Variants in CCSER1 observed in about 807,000 individuals in gnomAD.
The protein encoded by CCSER1 is serine-rich coiled-coil domain-containing protein 1.
CCSER1 carries 41 observed loss-of-function variants against 82.0 expected under a neutral mutation model. The observed-to-expected ratio is 0.50, with a 90% CI of 0.39 to 0.65. The LOEUF (loss-of-function observed/expected upper bound fraction) is 0.65, where lower values mean the gene tolerates loss of function less well. Ranked by LOEUF, CCSER1 falls within the 30% of genes least tolerant of loss-of-function variation. The pLI is 0.00. For synonymous variants in CCSER1, 414 were observed against 383.9 expected (o/e 1.08, Z -0.92); for missense variants, 1,119 against 1,064.2 (o/e 1.05, Z -0.72).
At chr4:90,865,892 A>G (rs1765671410) in intron 8 of CCSER1, among the ~76,000 whole-genome samples, 1 of 152,002 alleles carries the variant, frequency 6.6e-6, no homozygotes, top group Non-Finnish European at 1.5e-5. Context: ...CACAGGCTGT[A>G]CAGGAAGCAT....
chr4:91,090,380 A>G (rs1295893022), intron 10 of CCSER1, among the ~76,000 whole-genome samples: 1 of 152,172 alleles, frequency 6.6e-6, no homozygotes, highest in Non-Finnish European at 1.5e-5. Context: ...GTGGGCTCAA[A>G]CAGTCTGCAA....
At chr4:91,083,238 A>G (rs1312727700) in intron 9 of CCSER1, among the ~76,000 whole-genome samples, 1 of 152,202 alleles carries the variant, frequency 6.6e-6, no homozygotes, top group African/African-American at 2.4e-5. Context: ...GCCATAAAAA[A>G]TGATGAGTTC....
chr4:91,475,984 T>G (rs1368229800), intron 10 of CCSER1, among the ~76,000 whole-genome samples: 1 of 151,876 alleles, frequency 6.6e-6, no homozygotes, highest in African/African-American at 2.4e-5. Flanking sequence ...TCATTCTTTT[T>G]TATGATTGAA....
At chr4:90,763,208 C>T (rs1750665432) in intron 7 of CCSER1, among the ~76,000 whole-genome samples, 1 of 151,866 alleles carries the variant, frequency 6.6e-6, no homozygotes, top group African/African-American at 2.4e-5. Flanking sequence ...AGCTAGGGAA[C>T]CCACTACCAG....
At chr4:91,583,484 T>C (rs1424362775) in intron 10 of CCSER1, among the ~76,000 whole-genome samples, 1 of 151,400 alleles carries the variant, frequency 6.6e-6, no homozygotes. Context: ...TAGATGGTGC[T>C]AATTATGATA....
At chr4:90,623,023 A>ATTTTT (rs35838784) in intron 5 of CCSER1, among the ~76,000 whole-genome samples, 2 of 112,618 alleles carry the variant, frequency 1.8e-5, no homozygotes, top group East Asian at 2.6e-4. Context: ...TGGGTAAAGG[A>ATTTTT]TTTTTTTTTT....
chr4:90,698,830 T>A (rs902223047), intron 6 of CCSER1, among the ~76,000 whole-genome samples: 1 of 152,124 alleles, frequency 6.6e-6, no homozygotes, highest in Non-Finnish European at 1.5e-5. Flanking sequence ...GTTGATTGGA[T>A]AATTTGACTC....
At chr4:91,412,160 A>G (rs2149373263) in intron 10 of CCSER1, among the ~76,000 whole-genome samples, 1 of 152,232 alleles carries the variant, frequency 6.6e-6, no homozygotes, top group East Asian at 1.9e-4. Flanking sequence ...AGGTGGCCAG[A>G]TCTCTAATCA....
In CCSER1 at chr4:90,932,979, A is replaced by AG. The variant is rs1561385030; in HGVS notation, c.2172+9532_2172+9533insG. On this transcript the variant is annotated intron_variant, in intron 9 of 10. Coordinates refer to ENST00000509176, the MANE Select transcript of CCSER1 (RefSeq NM_001145065.2). Reference sequence around the variant, plus strand: ...GAAAGAAAGAAAGAAAGAAAGAAAGAAAGAGAAAGAAAGAAAGAAAGAAAG... The same window carrying AG: ...GAAAGAAAGAAAGAAAGAAAGAAAGAGAAGAGAAAGAAAGAAAGAAAGAAAG... Among the ~76,000 whole-genome samples the AG allele has an allele frequency of 1.3e-3, 52 of 38,674 alleles. 13 individuals are homozygous for AG. Among genetic ancestry groups the AG allele is most frequent in the Middle Eastern group, 9.8e-3 (1 of 102 alleles). 25.4% of individuals were successfully genotyped at this position (38,674 alleles called of 152,430 possible). A position where few individuals can be genotyped will look rare whatever the true frequency, so the allele number is the denominator to read the frequency against.
intron 9 of CCSER1, among the ~76,000 whole-genome samples, chr4:90,987,352 A>C (rs1484923609): frequency 6.6e-6 from 1 of 151,496 alleles, no homozygotes; most frequent in Non-Finnish European, 1.5e-5. Context: ...ACAATTCACC[A>C]AAAAATAAAA....
chr4:90,693,127 G>A (rs990830825), intron 6 of CCSER1, among the ~76,000 whole-genome samples: 10 of 151,898 alleles, frequency 6.6e-5, no homozygotes, highest in Non-Finnish European at 1.5e-4. Context: ...GAGTGGCTGA[G>A]TCTTCAAATT....
intron 8 of CCSER1, among the ~76,000 whole-genome samples, chr4:90,900,197 G>C (rs1724423667): frequency 6.8e-6 from 1 of 147,580 alleles, no homozygotes; most frequent in South Asian, 2.2e-4. Flanking sequence ...AATTTTTAGA[G>C]GTGGTGCAGT....
intron 9 of CCSER1, among the ~76,000 whole-genome samples, chr4:91,044,748 C>T (rs1742293446): frequency 6.6e-6 from 1 of 152,166 alleles, no homozygotes; most frequent in African/African-American, 2.4e-5. Context: ...CCTACTTTAC[C>T]TCACCAGGTT....
At chr4:90,557,015 A>C (rs1778226145) in intron 5 of CCSER1, among the ~76,000 whole-genome samples, 1 of 151,964 alleles carries the variant, frequency 6.6e-6, no homozygotes, top group African/African-American at 2.4e-5. Context: ...ATTTATTTAT[A>C]TCTACTTATT....
At chr4:91,042,381 A>G (rs537208810) in intron 9 of CCSER1, among the ~76,000 whole-genome samples, 1 of 152,280 alleles carries the variant, frequency 6.6e-6, no homozygotes, top group East Asian at 1.9e-4. Context: ...TTGAACTGTG[A>G]GTCAATTAAA....
chr4:91,594,840 T>C lies in CCSER1; in HGVS notation c.2218-3732T>C, dbSNP rs189020596. On this transcript the variant is annotated intron_variant, in intron 10 of 10. Transcript: ENST00000509176. ...AGTCTTTTGGCTTCAGGTTCAGTGT[T>C]CTTTCTATTAGCTCAAATTGTCCTA... 1.4e-3 allele frequency among the ~76,000 whole-genome samples: 209 copies of C among 152,166 alleles called. 1 individual carries two copies. Among genetic ancestry groups the C allele is most frequent in the African/African-American group, 4.8e-3 (199 of 41,522 alleles).
chr4:90,874,134 G>T (rs1766900670), intron 8 of CCSER1, among the ~76,000 whole-genome samples: 1 of 152,016 alleles, frequency 6.6e-6, no homozygotes, highest in African/African-American at 2.4e-5. Context: ...ATTGAATAAT[G>T]CTTCTTTCTA....
At chr4:91,252,177 T>A (rs1458349155) in intron 10 of CCSER1, among the ~76,000 whole-genome samples, 1 of 152,062 alleles carries the variant, frequency 6.6e-6, no homozygotes, top group Non-Finnish European at 1.5e-5. Context: ...GCCAATATAT[T>A]CAAAGTGCTG....
chr4:90,812,268 G>A (rs1758452673), intron 7 of CCSER1, among the ~76,000 whole-genome samples: 1 of 152,104 alleles, frequency 6.6e-6, no homozygotes, highest in African/African-American at 2.4e-5. Context: ...GGGTGAGTCT[G>A]CCTTTCCCAG....
Sources: gnomAD v4.1 joint callset for allele counts (sites outside exome capture counted in the v4.1 genomes callset) on GRCh38, gnomAD v4.1.1 for gene constraint, MANE v1.5 for transcripts, NCBI Gene and HGNC (gene_info 2026-07-23, HGNC 2026-07-21) for gene names.